SPMIP2: variants seen among roughly 807,000 people sequenced by gnomAD.
The protein encoded by SPMIP2 is protein SPMIP2.
At chr4:158,946,688 AAAATGAACTAACAC>A in the SPMIP2 span, among the ~76,000 whole-genome samples, 1 of 152,232 alleles carries the variant, frequency 6.6e-6, no homozygotes, top group Admixed American at 6.5e-5. Flanking sequence ...TAGCCATGTG[AAAATGAACTAACAC>A]ATCATTCATT....
At chr4:159,010,968 C>G in the SPMIP2 span, among the ~76,000 whole-genome samples, 1 of 152,142 alleles carries the variant, frequency 6.6e-6, no homozygotes, top group African/African-American at 2.4e-5. Context: ...TTTACTCTCT[C>G]TTCTTCCTAG....
At chr4:158,896,894 G>A in the SPMIP2 span, among the ~76,000 whole-genome samples, 3 of 149,172 alleles carry the variant, frequency 2.0e-5, no homozygotes, top group Non-Finnish European at 3.0e-5. Context: ...TGTGCAAAAC[G>A]TGCAGGTCTG....
At chr4:158,976,658 C>CTTTTTT in the SPMIP2 span, among the ~76,000 whole-genome samples, 6 of 71,222 alleles carry the variant, frequency 8.4e-5, no homozygotes, top group African/African-American at 3.8e-4. Flanking sequence ...GATGGATAAG[C>CTTTTTT]ATTTTTTTTT....
the SPMIP2 span, among the ~76,000 whole-genome samples, chr4:159,003,919 C>G: frequency 6.6e-6 from 1 of 152,142 alleles, no homozygotes; most frequent in Non-Finnish European, 1.5e-5. Context: ...TAACCTCGAC[C>G]AGATAAGAAA....
the SPMIP2 span, among the ~76,000 whole-genome samples, chr4:158,962,833 G>A: frequency 6.6e-6 from 1 of 152,074 alleles, no homozygotes; most frequent in African/African-American, 2.4e-5. Context: ...GGTGTTTAAG[G>A]CATGGATTCA....
the SPMIP2 span, among the ~76,000 whole-genome samples, chr4:158,988,651 C>T: frequency 1.3e-5 from 2 of 152,096 alleles, no homozygotes; most frequent in Non-Finnish European, 2.9e-5. Flanking sequence ...GTGATTATCT[C>T]AATAGATGCA....
At chr4:159,009,030 A>G in the SPMIP2 span, among the ~76,000 whole-genome samples, 1 of 152,238 alleles carries the variant, frequency 6.6e-6, no homozygotes, top group Non-Finnish European at 1.5e-5. Context: ...TGGTTTTAGC[A>G]TTTACCAGTT....
At chr4:159,020,855 G>A in the SPMIP2 span, among the ~76,000 whole-genome samples, 3 of 151,882 alleles carry the variant, frequency 2.0e-5, no homozygotes, top group Non-Finnish European at 2.9e-5. Context: ...TCCGCCTCCC[G>A]GGTTCACGCC....
At chr4:158,907,166 G>A in the SPMIP2 span, 1 of 152,332 alleles carries the variant, frequency 6.6e-6, no homozygotes. Flanking sequence ...AAATTGGTAA[G>A]TGAAATGAAT....
the SPMIP2 span, among the ~76,000 whole-genome samples, chr4:158,940,176 C>G: frequency 6.6e-6 from 1 of 152,140 alleles, no homozygotes; most frequent in Non-Finnish European, 1.5e-5. Flanking sequence ...TGTAGATGGC[C>G]ATCTTCTCCC....
At chr4:158,964,171 ACAAAACAAAAC>A in the SPMIP2 span, among the ~76,000 whole-genome samples, 58 of 140,244 alleles carry the variant, frequency 4.1e-4, 4 homozygotes, top group South Asian at 7.0e-4. Flanking sequence ...ACAAAACAAA[ACAAAACAAAAC>A]AAAACAAAAA....
the SPMIP2 span, among the ~76,000 whole-genome samples, chr4:158,935,730 G>A: frequency 2.0e-5 from 3 of 152,178 alleles, no homozygotes; most frequent in African/African-American, 7.2e-5. Flanking sequence ...CTGAACGTCT[G>A]GGAAATGGGG....
chr4:159,051,110 GAA>G, the SPMIP2 span, among the ~76,000 whole-genome samples: 8 of 111,148 alleles, frequency 7.2e-5, no homozygotes, highest in Middle Eastern at 4.8e-3. Context: ...CTCCGTCTCA[GAA>G]AAAAAAAAAA....
At chr4:158,997,133 G>T in the SPMIP2 span, among the ~76,000 whole-genome samples, 1 of 152,064 alleles carries the variant, frequency 6.6e-6, no homozygotes, top group Non-Finnish European at 1.5e-5. Flanking sequence ...AAGACCACAT[G>T]AAATTATTTG....
the SPMIP2 span, among the ~76,000 whole-genome samples, chr4:158,968,934 A>G: frequency 1.3e-5 from 2 of 152,224 alleles, no homozygotes; most frequent in Non-Finnish European, 2.9e-5. Context: ...TGAGGCAGAG[A>G]TTTCAAAGCC....
chr4:158,928,660 C>G, the SPMIP2 span, among the ~76,000 whole-genome samples: 1 of 152,172 alleles, frequency 6.6e-6, no homozygotes, highest in African/African-American at 2.4e-5. Flanking sequence ...AGTGGCAACC[C>G]GCTCGGGTAC....
At chr4:158,920,772 T>C in the SPMIP2 span, among the ~76,000 whole-genome samples, 882 of 152,366 alleles carry the variant, frequency 5.8e-3, 6 homozygotes, top group African/African-American at 0.02. Flanking sequence ...TGGACCCTTA[T>C]CAGTAGCAGT....
At chr4:159,007,873 G>A in the SPMIP2 span, 1 of 507,882 alleles carries the variant, frequency 2.0e-6, no homozygotes. Context: ...CCTATATGTT[G>A]TGTGTGGGAA....
chr4:158,924,520 C>A, the SPMIP2 span, among the ~76,000 whole-genome samples: 2 of 152,182 alleles, frequency 1.3e-5, no homozygotes, highest in Non-Finnish European at 2.9e-5. Context: ...GCTGGGATTA[C>A]AGGTGCCCAC....
Sources: allele counts gnomAD v4.1 joint callset (sites outside exome capture counted in the v4.1 genomes callset), GRCh38; gene constraint gnomAD v4.1.1; transcripts MANE v1.5; gene names NCBI Gene and HGNC (gene_info 2026-07-23, HGNC 2026-07-21).